Variants in MAGI2 observed in about 807,000 individuals in gnomAD.
The protein encoded by MAGI2 is membrane-associated guanylate kinase, WW and PDZ domain-containing protein 2.
MAGI2 carries 35 observed loss-of-function variants against 133.3 expected under a neutral mutation model. That is an observed-to-expected ratio of 0.26 (90% CI 0.20 to 0.35). The LOEUF is 0.35. MAGI2 is among the 10% of genes least tolerant of loss of function. The pLI, the probability that MAGI2 is intolerant of heterozygous loss-of-function variation, is 1.00. For synonymous variants in MAGI2, 729 were observed against 710.6 expected (o/e 1.03, Z -0.41); for missense variants, 1,636 against 1,863.4 (o/e 0.88, Z 2.25).
chr7:78,890,180 T>A (rs892169972), intron 2 of MAGI2, among the ~76,000 whole-genome samples: 3 of 151,870 alleles, frequency 2.0e-5, no homozygotes, highest in African/African-American at 7.3e-5. Context: ...GAGCTAACTA[T>A]CCTAAATATA....
chr7:78,366,727 T>C (rs1432237434), intron 7 of MAGI2, among the ~76,000 whole-genome samples: 1 of 152,142 alleles, frequency 6.6e-6, no homozygotes, highest in African/African-American at 2.4e-5. Flanking sequence ...TTCCAATAAA[T>C]ATTGGGATAA....
chr7:79,019,006 T>G (rs1382112005), intron 1 of MAGI2, among the ~76,000 whole-genome samples: 1 of 152,128 alleles, frequency 6.6e-6, no homozygotes, highest in Non-Finnish European at 1.5e-5. Context: ...AACAAAGATA[T>G]TTCAGGACCT....
chr7:79,160,821 C>A (rs1824278777), intron 1 of MAGI2, among the ~76,000 whole-genome samples: 1 of 152,008 alleles, frequency 6.6e-6, no homozygotes. Context: ...ACTGGTATAT[C>A]CTCCCATCAA....
chr7:78,026,171 C>T (rs1271469714), intron 21 of MAGI2: 1 of 152,314 alleles, frequency 6.6e-6, no homozygotes, highest in Non-Finnish European at 1.5e-5. Flanking sequence ...ACACACACCC[C>T]ATTATGTTTT....
At chr7:78,078,659 C>T (rs1204138498) in intron 21 of MAGI2, 1 of 535,714 alleles carries the variant, frequency 1.9e-6, no homozygotes, top group Non-Finnish European at 3.3e-6. Flanking sequence ...GGTGCTAGAT[C>T]TCCTCGCACA....
chr7:79,040,428 G>C, intron 1 of MAGI2, among the ~76,000 whole-genome samples: 1 of 152,134 alleles, frequency 6.6e-6, no homozygotes, highest in South Asian at 2.1e-4. Context: ...GAAAAAAGTT[G>C]GTCTCATGGA....
At position 78,220,454 on chromosome 7, in the gene MAGI2, A is replaced by G. The variant is rs185183686; in HGVS notation, c.2048-19261T>C. ...TTATAAGCTTCTTGAGGGCAGGGGCAACATCCTGTTTGTCTTTGCATCCCC... is the reference window on the plus strand; with the variant it reads ...TTATAAGCTTCTTGAGGGCAGGGGCGACATCCTGTTTGTCTTTGCATCCCC... On this transcript the variant is annotated intron_variant, in intron 10 of 21. Transcript: ENST00000354212. Among the ~76,000 whole-genome samples, 20 of 152,320 alleles carry G rather than the reference A, an allele frequency of 1.3e-4. No homozygotes were observed. The East Asian group carries it at 3.1e-3, about 24-fold the overall frequency.
chr7:78,251,283 A>G (rs1390290852), intron 10 of MAGI2: 1 of 152,224 alleles, frequency 6.6e-6, no homozygotes, highest in Non-Finnish European at 1.5e-5. Flanking sequence ...AGATGTAATG[A>G]TGCAAGACTA....
intron 1 of MAGI2, among the ~76,000 whole-genome samples, chr7:79,270,180 C>T (rs1834776140): frequency 6.6e-6 from 1 of 152,214 alleles, no homozygotes; most frequent in African/African-American, 2.4e-5. Flanking sequence ...CAGTCAGCAG[C>T]ACCCATTCTC....
chr7:78,935,104 G>A (rs905126111), intron 2 of MAGI2, among the ~76,000 whole-genome samples: 1 of 152,056 alleles, frequency 6.6e-6, no homozygotes, highest in Non-Finnish European at 1.5e-5. Flanking sequence ...TTACTTGAAA[G>A]GTATCACTTG....
chr7:79,239,495 C>T (rs189144750), intron 1 of MAGI2, among the ~76,000 whole-genome samples: 2 of 152,272 alleles, frequency 1.3e-5, no homozygotes, highest in East Asian at 1.9e-4. Flanking sequence ...GACCGTAATA[C>T]ACCCTGAGTT....
chr7:78,219,550 C>T (rs1252112307), intron 10 of MAGI2, among the ~76,000 whole-genome samples: 1 of 152,146 alleles, frequency 6.6e-6, no homozygotes, highest in Non-Finnish European at 1.5e-5. Flanking sequence ...CCTTCTAAAT[C>T]AGCCTTGTCC....
At chr7:79,375,568 G>C (rs1220437119) in intron 1 of MAGI2, among the ~76,000 whole-genome samples, 2 of 145,416 alleles carry the variant, frequency 1.4e-5, no homozygotes, top group African/African-American at 5.3e-5. Context: ...AGCTGTAACA[G>C]TATAAGTTTA....
At chr7:79,172,806 G>A (rs1825742110) in intron 1 of MAGI2, 1 of 151,938 alleles carries the variant, frequency 6.6e-6, no homozygotes, top group Non-Finnish European at 1.5e-5. Context: ...AGAAGCTCTA[G>A]CCAATGGAAA....
intron 9 of MAGI2, among the ~76,000 whole-genome samples, chr7:78,307,165 G>A (rs1246936561): frequency 6.6e-6 from 1 of 152,064 alleles, no homozygotes; most frequent in Admixed American, 6.6e-5. Context: ...AATTTTAGAC[G>A]ACTTCATGCC....
intron 10 of MAGI2, among the ~76,000 whole-genome samples, chr7:78,215,957 C>T (rs1375629029): frequency 1.3e-5 from 2 of 152,116 alleles, no homozygotes; most frequent in African/African-American, 2.4e-5. Context: ...GTTATTTTGG[C>T]ACAATTTTTC....
chr7:78,856,340 G>A (rs1422815912), intron 2 of MAGI2, among the ~76,000 whole-genome samples: 1 of 152,158 alleles, frequency 6.6e-6, no homozygotes. Context: ...CCTATGTCCT[G>A]AATGGTATTG....
At chr7:78,380,429 T>A (rs1794819949) in intron 6 of MAGI2, among the ~76,000 whole-genome samples, 1 of 152,056 alleles carries the variant, frequency 6.6e-6, no homozygotes, top group Non-Finnish European at 1.5e-5. Flanking sequence ...AGGAATGAGA[T>A]CCTGTCATTT....
chr7:79,338,463 G>A (rs753557216), intron 1 of MAGI2, among the ~76,000 whole-genome samples: 1 of 152,098 alleles, frequency 6.6e-6, no homozygotes, highest in Non-Finnish European at 1.5e-5. Context: ...AGAGCATGCA[G>A]TAACATGTGT....
Sources: gnomAD v4.1 joint callset for allele counts (sites outside exome capture counted in the v4.1 genomes callset) on GRCh38, gnomAD v4.1.1 for gene constraint, MANE v1.5 for transcripts, NCBI Gene and HGNC (gene_info 2026-07-23, HGNC 2026-07-21) for gene names.